THSD1: variants seen among roughly 807,000 people sequenced by gnomAD.
The protein encoded by THSD1 is thrombospondin type-1 domain-containing protein 1.
In THSD1, 34 loss-of-function variants were observed where a neutral mutation model predicts 46.3. The observed-to-expected ratio is 0.74, with a 90% CI of 0.56 to 0.98. The LOEUF (loss-of-function observed/expected upper bound fraction) is 0.98, where lower values mean the gene tolerates loss of function less well. THSD1 is among the 50% of genes least tolerant of loss of function. The probability of loss-of-function intolerance (pLI) is 0.00; values close to 1 mark genes in which losing one functional copy is unlikely to be tolerated. For missense variants in THSD1, 1,023 were observed against 1,058.3 expected (o/e 0.97, Z 0.46); for synonymous variants, 407 against 416.5 (o/e 0.98, Z 0.28).
At chr13:52,394,003 A>G (rs1227172880) in intron 3 of THSD1, among the ~76,000 whole-genome samples, 1 of 152,122 alleles carries the variant, frequency 6.6e-6, no homozygotes, top group African/African-American at 2.4e-5. Context: ...CTATTGTTCT[A>G]ATGTGTCTCG....
intron 3 of THSD1, 57 bp from the exon 4 acceptor site, chr13:52,386,243 C>A: frequency 6.4e-7 from 1 of 1,553,076 alleles, no homozygotes; most frequent in Non-Finnish European, 8.8e-7. Context: ...CAGTATTTAA[C>A]TGCACCCAAA....
chr13:52,398,318 T>C (rs1957827428), intron 2 of THSD1, 124 bp from the exon 3 acceptor site: 6 of 1,438,178 alleles, frequency 4.2e-6, no homozygotes, highest in Non-Finnish European at 5.6e-6. Context: ...TCACCGAGGC[T>C]AGAGTGCAGT....
chr13:52,377,951 C>CA lies in THSD1; in HGVS notation c.2018dup (p.Thr674AspfsTer11). On this transcript the variant is annotated frameshift_variant, in exon 5 of 5. Coordinates refer to ENST00000258613, the MANE Select transcript of THSD1 (RefSeq NM_018676.4). LOFTEE classifies it high-confidence loss of function. Reference sequence around the variant, plus strand: ...TGTAGGCAGGGGCCTGCCGTGGAGTCAGAGTGGACATGCTCCTCTCTCGGA... The same window carrying CA: ...TGTAGGCAGGGGCCTGCCGTGGAGTCAAGAGTGGACATGCTCCTCTCTCGGA... The CA allele has an allele frequency of 3.1e-6, 5 of 1,614,172 alleles. No individual in the cohort carries two copies. Among genetic ancestry groups the CA allele is most frequent in the Non-Finnish European group, 4.2e-6 (5 of 1,180,040 alleles).
chr13:52,391,174 G>A (rs1024315683), intron 3 of THSD1, among the ~76,000 whole-genome samples: 4 of 152,040 alleles, frequency 2.6e-5, no homozygotes, highest in Non-Finnish European at 5.9e-5. Flanking sequence ...GGATCTGATA[G>A]ATCTTGGGGT....
intron 3 of THSD1, among the ~76,000 whole-genome samples, chr13:52,390,911 A>G (rs551407650): frequency 1.1e-4 from 17 of 152,286 alleles, no homozygotes; most frequent in African/African-American, 4.1e-4. Context: ...GATCAGAAAA[A>G]AAATCAGTTT....
intron 4 of THSD1, 84 bp from the exon 5 acceptor site, chr13:52,378,873 T>G: frequency 2.9e-5 from 41 of 1,410,166 alleles, no homozygotes; most frequent in Non-Finnish European, 3.7e-5. Flanking sequence ...CTTTTTTTTT[T>G]TTTTTTTGAG....
intron 2 of THSD1, chr13:52,398,416 C>T: frequency 1.5e-6 from 1 of 650,948 alleles, no homozygotes; most frequent in Non-Finnish European, 1.9e-6. Context: ...ACTACAGGCA[C>T]ATGCCACCAC....
Position 52,386,105 on chromosome 13 carries a change from A to G in THSD1, c.1103T>C (p.Leu368Pro). 1 of 1,614,078 alleles carries G rather than the reference A, an allele frequency of 6.2e-7. No homozygotes were observed. Among genetic ancestry groups the G allele is most frequent in the Non-Finnish European group, 8.5e-7 (1 of 1,179,994 alleles). ...GACAGGACTGGAGGGGAAGGAAGTGAGACACACTCGGCGACGCTCTCTGAC... is the reference window on the plus strand; with the variant it reads ...GACAGGACTGGAGGGGAAGGAAGTGGGACACACTCGGCGACGCTCTCTGAC... The part of the protein sequence containing the change: ...DGVRERRRVC[L>P]TSFPSSPVCP... The change falls in exon 4 of 5, where the codon CTC (leucine) becomes CCC (proline). Residue 368 changes from leucine (L) to proline (P), a missense_variant. Coordinates refer to ENST00000258613, the MANE Select transcript of THSD1 (RefSeq NM_018676.4).
intron 3 of THSD1, among the ~76,000 whole-genome samples, chr13:52,396,013 A>G (rs1237649079): frequency 6.6e-6 from 1 of 152,032 alleles, no homozygotes; most frequent in African/African-American, 2.4e-5. Flanking sequence ...GAAGCTAAGG[A>G]GTTTAGGATA....
At position 52,386,171 on chromosome 13, in the gene THSD1, C is replaced by T. The variant is rs763496040; in HGVS notation, c.1037G>A (p.Trp346Ter). ...GGCACTACACTGGCTCCATGGCTGC[C>T]ACAGTCCCCAAGTTTCTGCAAGGAT... Reference protein sequence around the residue: ...IQRNTETWGLWQPWSQCSATC... With the variant: ...IQRNTETWGL The change falls in exon 4 of 5, where the codon TGG (tryptophan) becomes TAG (stop). Residue 346 changes from tryptophan (W) to a stop codon, truncating the protein, a stop_gained. Coordinates refer to ENST00000258613, the MANE Select transcript of THSD1 (RefSeq NM_018676.4). LOFTEE classifies it high-confidence loss of function. 15 of 1,613,960 alleles carry T rather than the reference C, an allele frequency of 9.3e-6. No individual in the cohort carries two copies. Among genetic ancestry groups the T allele is most frequent in the Non-Finnish European group, 2.5e-6 (3 of 1,180,006 alleles).
At chr13:52,382,577 A>G (rs1156235877) in intron 4 of THSD1, among the ~76,000 whole-genome samples, 1 of 151,930 alleles carries the variant, frequency 6.6e-6, no homozygotes, top group African/African-American at 2.4e-5. Flanking sequence ...GACACACTAA[A>G]CTACTTTCAG....
At chr13:52,390,376 G>A (rs1957764873) in intron 3 of THSD1, among the ~76,000 whole-genome samples, 1 of 152,044 alleles carries the variant, frequency 6.6e-6, no homozygotes, top group African/African-American at 2.4e-5. Flanking sequence ...TCTTTGGAGT[G>A]AGTAATGGAA....
At chr13:52,382,859 G>T (rs188740182) in intron 4 of THSD1, among the ~76,000 whole-genome samples, 1 of 152,162 alleles carries the variant, frequency 6.6e-6, no homozygotes. Context: ...AAACTTAGCC[G>T]GGTGTGGTGG....
intron 2 of THSD1, among the ~76,000 whole-genome samples, chr13:52,399,600 T>C (rs1404774900): frequency 6.6e-6 from 1 of 152,166 alleles, no homozygotes; most frequent in Non-Finnish European, 1.5e-5. Context: ...TAGCACAGCA[T>C]TTCACCTAGT....
Position 52,386,142 on chromosome 13 carries a change from A to G in THSD1, c.1066T>C (p.Cys356Arg), listed in dbSNP as rs1420455264. Residue 356 changes from cysteine (C) to arginine (R), a missense_variant, in exon 4 of 5, where the codon TGT becomes CGT. Cys to Arg is a radical substitution (Grantham distance 180, BLOSUM62 -3). This residue lies in a region of THSD1 where 429 missense variants were observed against 518.3 expected (regional missense o/e 0.83). Coordinates refer to ENST00000258613, the MANE Select transcript of THSD1 (RefSeq NM_018676.4). ...CGACGCTCTCTGACACCATCCCCACATGTGGCACTACACTGGCTCCATGGC... is the reference window on the plus strand; with the variant it reads ...CGACGCTCTCTGACACCATCCCCACGTGTGGCACTACACTGGCTCCATGGC... ...WQPWSQCSAT[C>R]GDGVRERRRV... 2.5e-6 allele frequency: 4 copies of G among 1,614,174 alleles called. No individual in the cohort carries two copies. The highest frequency in any genetic ancestry group is 3.4e-6 in the Non-Finnish European group (4 of 1,180,022).
At chr13:52,378,934 C>T (rs1191686846) in intron 4 of THSD1, 145 bp from the exon 5 acceptor site, 106 of 913,216 alleles carry the variant, frequency 1.2e-4, no homozygotes, top group Non-Finnish European at 1.5e-4. Context: ...GTGATCTCGG[C>T]TCATTGCAAC....
At chr13:52,400,019 A>C (rs1957842271) in intron 2 of THSD1, 1 of 153,506 alleles carries the variant, frequency 6.5e-6, no homozygotes, top group South Asian at 1.9e-4. Flanking sequence ...GTCCGATGGT[A>C]GCAGGTTATC....
chr13:52,401,424 G>A (rs193129338), intron 2 of THSD1, among the ~76,000 whole-genome samples: 272 of 151,620 alleles, frequency 1.8e-3, no homozygotes, highest in Non-Finnish European at 3.3e-3. Context: ...TTAGCCTTCC[G>A]GGTAGCTGGG....
intron 3 of THSD1, among the ~76,000 whole-genome samples, chr13:52,391,665 TC>T (rs1052131740): frequency 1.3e-5 from 2 of 151,896 alleles, no homozygotes; most frequent in African/African-American, 4.8e-5. Flanking sequence ...TGCCTCAGGC[TC>T]CTGAGTAGCT....
Sources: gnomAD v4.1 joint callset for allele counts (sites outside exome capture counted in the v4.1 genomes callset) on GRCh38, gnomAD v4.1.1 for gene constraint, gnomAD v4.1.1 regional missense constraint, MANE v1.5 for transcripts, NCBI Gene and HGNC (gene_info 2026-07-23, HGNC 2026-07-21) for gene names.